ST6GALNAC5: variants seen among roughly 807,000 people sequenced by gnomAD.
The protein encoded by ST6GALNAC5 is alpha-N-acetylgalactosaminide alpha-2,6-sialyltransferase 5.
Under a neutral mutation model 33.6 loss-of-function variants are expected in ST6GALNAC5, and 27 were observed. The observed-to-expected ratio is 0.80, with a 90% CI of 0.59 to 1.11. The LOEUF (loss-of-function observed/expected upper bound fraction) is 1.11. Ranked by LOEUF, ST6GALNAC5 falls within the 50% of genes least tolerant of loss-of-function variation. ST6GALNAC5 has a pLI of 0.00. For missense variants in ST6GALNAC5, 428 were observed against 454.0 expected (o/e 0.94, Z 0.52); for synonymous variants, 194 against 171.2 (o/e 1.13, Z -1.04).
intron 2 of ST6GALNAC5, among the ~76,000 whole-genome samples, chr1:76,904,930 G>T (rs1646851108): frequency 1.3e-5 from 2 of 152,168 alleles, no homozygotes; most frequent in Admixed American, 1.3e-4. Context: ...AGACAGATTA[G>T]TATATATCCT....
intron 2 of ST6GALNAC5, among the ~76,000 whole-genome samples, chr1:76,911,490 A>G (rs866174755): frequency 6.6e-6 from 1 of 151,954 alleles, no homozygotes; most frequent in South Asian, 2.1e-4. Context: ...CTCTTTTTCT[A>G]TTGATTGGAA....
At chr1:77,010,827 A>G (rs1037515468) in intron 2 of ST6GALNAC5, among the ~76,000 whole-genome samples, 2 of 152,208 alleles carry the variant, frequency 1.3e-5, no homozygotes, top group African/African-American at 4.8e-5. Context: ...ACTATTTCTA[A>G]AAGCAGCTGC....
chr1:77,043,110 C>T (rs1651887392), intron 2 of ST6GALNAC5, among the ~76,000 whole-genome samples: 1 of 152,172 alleles, frequency 6.6e-6, no homozygotes, highest in African/African-American at 2.4e-5. Context: ...AGGAAGCCAG[C>T]GTGTCCTGTT....
chr1:76,975,254 T>C (rs923973082), intron 2 of ST6GALNAC5, among the ~76,000 whole-genome samples: 4 of 152,208 alleles, frequency 2.6e-5, no homozygotes, highest in South Asian at 2.1e-4. Flanking sequence ...CTACTATTCA[T>C]TGATGATTAT....
intron 2 of ST6GALNAC5, among the ~76,000 whole-genome samples, chr1:76,943,353 A>G (rs1302803668): frequency 1.3e-5 from 2 of 152,148 alleles, no homozygotes; most frequent in African/African-American, 2.4e-5. Flanking sequence ...TCAGATCAAC[A>G]TGCATTGTTA....
In ST6GALNAC5 at chr1:77,050,372, T is replaced by A; in HGVS notation, c.779+7T>A. The A allele has an allele frequency of 1.7e-5, 27 of 1,612,230 alleles. No individual in the cohort carries two copies. Among genetic ancestry groups the A allele is most frequent in the Non-Finnish European group, 2.3e-5 (27 of 1,178,268 alleles). On this transcript the variant is annotated splice_region_variant and intron_variant, in intron 4 of 4. Coordinates refer to ENST00000477717, the MANE Select transcript of ST6GALNAC5 (RefSeq NM_030965.3). Reference sequence around the variant, plus strand: ...TGCCCCCAGACTTCTGCAGGTAGGATTTATTCTGCAAGTGTAAATCATCAG... The same window carrying A: ...TGCCCCCAGACTTCTGCAGGTAGGAATTATTCTGCAAGTGTAAATCATCAG...
intron 2 of ST6GALNAC5, among the ~76,000 whole-genome samples, chr1:77,015,539 G>T (rs1650798660): frequency 6.6e-6 from 1 of 152,106 alleles, no homozygotes; most frequent in South Asian, 2.1e-4. Context: ...AATAAAAATT[G>T]TTCTAATTGT....
Position 77,058,633 on chromosome 1 carries a change from G to T in ST6GALNAC5, c.780-4342G>T, listed in dbSNP as rs199717. Among the ~76,000 whole-genome samples, 8 of 152,148 alleles carry T rather than the reference G, an allele frequency of 5.3e-5. No individual in the cohort carries two copies. In the South Asian group the frequency reaches 1.5e-3, roughly 28 times the overall value. On this transcript the variant is annotated intron_variant, in intron 4 of 4. Transcript: ENST00000477717. ...ACATCAGAATCATGGGCCAAATAAG[G>T]CTTTTTTCTTTATAAATTACCCAGA...
At chr1:76,889,692 G>A (rs1000633658) in intron 2 of ST6GALNAC5, among the ~76,000 whole-genome samples, 2 of 151,886 alleles carry the variant, frequency 1.3e-5, no homozygotes, top group Admixed American at 1.3e-4. Flanking sequence ...TTATTTATTT[G>A]TCTCACTATA....
Position 76,868,959 on chromosome 1 carries a change from C to A in ST6GALNAC5, c.261+217C>A. The A allele has an allele frequency of 1.4e-6, 1 of 706,106 alleles. No individual in the cohort carries two copies. Among genetic ancestry groups the A allele is most frequent in the Non-Finnish European group, 2.1e-6 (1 of 474,152 alleles). 43.7% of individuals were successfully genotyped at this position (706,106 alleles called of 1,614,324 possible). On this transcript the variant is annotated intron_variant, in intron 2 of 4. Transcript: ENST00000477717. The surrounding 1 kb of genome is among the most constrained non-coding windows in gnomAD (Gnocchi z 4.3). The stretch of plus-strand genomic sequence containing the variant: ...TTTTGTAGAAAATAGGGGTGAGGTG[C>A]GTGGACCCCAAAGCCTAATTTCCCA...
At chr1:77,052,467 G>A (rs1227081711) in intron 4 of ST6GALNAC5, among the ~76,000 whole-genome samples, 2 of 152,108 alleles carry the variant, frequency 1.3e-5, no homozygotes, top group Non-Finnish European at 2.9e-5. Flanking sequence ...AGCAGGTCAT[G>A]GTGAGAATTA....
intron 2 of ST6GALNAC5, among the ~76,000 whole-genome samples, chr1:77,011,705 T>C (rs771654756): frequency 1.3e-5 from 2 of 152,128 alleles, no homozygotes; most frequent in Non-Finnish European, 2.9e-5. Context: ...ATTTTTATTT[T>C]ATAATATAGT....
intron 2 of ST6GALNAC5, among the ~76,000 whole-genome samples, chr1:77,016,491 G>A (rs1187140063): frequency 2.0e-5 from 3 of 151,912 alleles, no homozygotes; most frequent in Admixed American, 1.3e-4. Context: ...TCTACAAAGT[G>A]CACAATGGTC....
At chr1:76,946,367 T>C (rs187643666) in intron 2 of ST6GALNAC5, among the ~76,000 whole-genome samples, 1 of 152,254 alleles carries the variant, frequency 6.6e-6, no homozygotes, top group East Asian at 1.9e-4. Context: ...TTGACTATTG[T>C]ATTTGACAAA....
chr1:77,044,179 G>A (rs564679157), intron 2 of ST6GALNAC5, 25 bp from the exon 3 acceptor site: 3 of 1,572,498 alleles, frequency 1.9e-6, no homozygotes, highest in South Asian at 2.4e-5. Flanking sequence ...GCCCCTGACA[G>A]TGTCCTTCTC....
In ST6GALNAC5 at chr1:76,868,601, G is replaced by GCAGCAGCAGCAGCAA. The variant is rs761815849; in HGVS notation, c.133_147dup (p.Gln45_Gln49dup). On this transcript the variant is annotated inframe_insertion, in exon 2 of 5. Coordinates refer to ENST00000477717, the MANE Select transcript of ST6GALNAC5 (RefSeq NM_030965.3). The surrounding 1 kb of genome is among the most constrained non-coding windows in gnomAD (Gnocchi z 4.3). ...AGAAGGAGCGGCCCCCGCAGCAGCA[G>GCAGCAGCAGCAGCAA]CAGCAGCAGCAGCAACAGCAGCAGC... is the stretch of plus-strand genomic sequence containing the variant. 6.2e-7 allele frequency: 1 copy of GCAGCAGCAGCAGCAA among 1,610,444 alleles called. No homozygotes were observed. Among genetic ancestry groups the GCAGCAGCAGCAGCAA allele is most frequent in the Non-Finnish European group, 8.5e-7 (1 of 1,179,268 alleles).
At chr1:76,971,471 T>G (rs929662464) in intron 2 of ST6GALNAC5, among the ~76,000 whole-genome samples, 1 of 152,196 alleles carries the variant, frequency 6.6e-6, no homozygotes, top group African/African-American at 2.4e-5. Flanking sequence ...ATGTTGAAAT[T>G]TATATAATGA....
intron 4 of ST6GALNAC5, among the ~76,000 whole-genome samples, chr1:77,053,949 C>A (rs1557776185): frequency 6.6e-6 from 1 of 152,130 alleles, no homozygotes; most frequent in East Asian, 1.9e-4. Flanking sequence ...CCACGTGGAG[C>A]CAGATTTCAG....
At chr1:76,908,229 C>T (rs1170845962) in intron 2 of ST6GALNAC5, among the ~76,000 whole-genome samples, 2 of 152,074 alleles carry the variant, frequency 1.3e-5, no homozygotes, top group Admixed American at 6.6e-5. Context: ...ATGTATGTCT[C>T]ACAGTTCTGG....
Sources: allele counts gnomAD v4.1 joint callset (sites outside exome capture counted in the v4.1 genomes callset), GRCh38; gene constraint gnomAD v4.1.1; non-coding constraint Gnocchi (gnomAD v3.1); transcripts MANE v1.5; gene names NCBI Gene and HGNC (gene_info 2026-07-23, HGNC 2026-07-21).